The following USP47 variants were observed in gnomAD, a reference collection of about 807,000 sequenced individuals.
USP47 encodes the protein ubiquitin carboxyl-terminal hydrolase 47.
USP47 carries 35 observed loss-of-function variants against 165.1 expected under a neutral mutation model. That is an observed-to-expected ratio of 0.21 (90% CI 0.16 to 0.28). The LOEUF (loss-of-function observed/expected upper bound fraction) is 0.28. Among genes scored for constraint, USP47 ranks in the 10% least tolerant of loss-of-function variants. USP47 has a pLI of 1.00. For synonymous variants in USP47, 531 were observed against 544.5 expected, an observed-to-expected ratio of 0.98 and a Z score of 0.35; for missense variants, 1,277 against 1,607.4, an observed-to-expected ratio of 0.79 and a Z score of 3.52.
chr11:11,884,484 C>G lies in USP47; in HGVS notation c.261C>G (p.Thr87=). 6.2e-7 allele frequency: 1 copy of G among 1,606,722 alleles called. No individual in the cohort carries two copies. The highest frequency in any genetic ancestry group is 2.2e-5 in the East Asian group (1 of 44,672). ...GTCCATAGGCACCACTGGATCATAC[C>G]AGTGACAAGTCACTTCTCGACGCTA... The part of the protein sequence containing the change: ...NTADMAPLDH[T]SDKSLLDANF... The change falls in exon 3 of 28, where the codon ACC becomes ACG. Residue 87 remains threonine, a synonymous_variant. Coordinates refer to ENST00000527733, the MANE Select transcript of USP47 (RefSeq NM_001282659.2).
At chr11:11,946,880 C>G (rs956235264) in intron 20 of USP47, among the ~76,000 whole-genome samples, 8 of 152,120 alleles carry the variant, frequency 5.3e-5, no homozygotes, top group Non-Finnish European at 1.2e-4. Context: ...ATTTTATAGC[C>G]AGGAAAACAA....
At chr11:11,954,134 T>A (rs1856405695) in intron 25 of USP47, among the ~76,000 whole-genome samples, 1 of 152,044 alleles carries the variant, frequency 6.6e-6, no homozygotes, top group Non-Finnish European at 1.5e-5. Context: ...CCTGTAATTT[T>A]AGCTACTCAG....
chr11:11,923,521 A>G (rs1195404741), intron 11 of USP47, among the ~76,000 whole-genome samples: 1 of 152,108 alleles, frequency 6.6e-6, no homozygotes, highest in East Asian at 1.9e-4. Flanking sequence ...CCCTGTGTCA[A>G]TAACTTTAAG....
chr11:11,903,152 G>T (rs1430480533), intron 6 of USP47, 111 bp from the exon 7 acceptor site: 57 of 1,011,928 alleles, frequency 5.6e-5, no homozygotes, highest in Non-Finnish European at 7.7e-5. Context: ...TTTTAAATTT[G>T]GCATTATTTA....
chr11:11,909,156 T>A (rs1852784667), intron 8 of USP47, among the ~76,000 whole-genome samples: 1 of 152,150 alleles, frequency 6.6e-6, no homozygotes, highest in South Asian at 2.1e-4. Flanking sequence ...TATATTTGTG[T>A]CCTTGGGATG....
intron 3 of USP47, 105 bp downstream of exon 3, chr11:11,884,685 T>A: frequency 1.4e-6 from 1 of 724,466 alleles, no homozygotes; most frequent in Non-Finnish European, 2.3e-6. Context: ...GTAATTTGTG[T>A]AATAAATTAA....
intron 3 of USP47, among the ~76,000 whole-genome samples, chr11:11,885,589 T>A (rs1383686440): frequency 6.6e-6 from 1 of 152,110 alleles, no homozygotes; most frequent in Non-Finnish European, 1.5e-5. Flanking sequence ...CACAGAGCTA[T>A]GTGGAATCTT....
intron 2 of USP47, among the ~76,000 whole-genome samples, chr11:11,881,672 ATCT>A (rs1850841420): frequency 6.6e-6 from 1 of 152,084 alleles, no homozygotes; most frequent in African/African-American, 2.4e-5. Context: ...ATTGGTAGAC[ATCT>A]TCTTAGGTCA....
chr11:11,880,164 C>T lies in USP47; in HGVS notation c.40-13C>T. The T allele has an allele frequency of 6.9e-7, 1 of 1,453,226 alleles. No individual in the cohort carries two copies. The highest frequency in any genetic ancestry group is 1.4e-5 in the South Asian group (1 of 72,918). 90.0% of individuals were successfully genotyped at this position (1,453,226 alleles called of 1,614,324 possible). A position where few individuals can be genotyped will look rare whatever the true frequency, so the allele number is the denominator to read the frequency against. ...AGATAATATATAAAGTCATATTTTT[C>T]TTAAAATTTCAGATAGAAAATGCTG... is the stretch of plus-strand genomic sequence containing the variant. On this transcript the variant is annotated splice_polypyrimidine_tract_variant and intron_variant, in intron 1 of 27. Transcript: ENST00000527733.
At chr11:11,922,996 C>T in intron 11 of USP47, 105 bp downstream of exon 11, 5 of 949,294 alleles carry the variant, frequency 5.3e-6, no homozygotes, top group African/African-American at 1.8e-5. Context: ...TTAAAAGAAA[C>T]TTAATTTTTG....
chr11:11,949,885 C>T lies in USP47; in HGVS notation c.3349-4C>T. On this transcript the variant is annotated splice_polypyrimidine_tract_variant and splice_region_variant and intron_variant, in intron 22 of 27. Coordinates refer to ENST00000527733, the MANE Select transcript of USP47 (RefSeq NM_001282659.2). The stretch of plus-strand genomic sequence containing the variant: ...GCTCTGATTGTTTATGTTTATATTT[C>T]TAGCCATGCAAGTTTCTGCTAGATG... 1 of 1,594,978 alleles carries T rather than the reference C, an allele frequency of 6.3e-7. No homozygotes were observed. Among genetic ancestry groups the T allele is most frequent in the Non-Finnish European group, 8.6e-7 (1 of 1,164,572 alleles).
intron 1 of USP47, among the ~76,000 whole-genome samples, chr11:11,848,481 T>C (rs979677438): frequency 2.0e-4 from 31 of 152,346 alleles, no homozygotes; most frequent in Middle Eastern, 3.4e-3. Context: ...AAAATGTCTT[T>C]ATATGGCACA....
intron 19 of USP47, among the ~76,000 whole-genome samples, chr11:11,941,556 C>T (rs1050034509): frequency 1.1e-4 from 17 of 151,766 alleles, no homozygotes; most frequent in African/African-American, 3.9e-4. Flanking sequence ...TAGAGTGAAC[C>T]CCCACACATC....
chr11:11,935,136 T>C (rs1854960910), intron 16 of USP47, among the ~76,000 whole-genome samples: 1 of 152,140 alleles, frequency 6.6e-6, no homozygotes. Flanking sequence ...GAATCACTTA[T>C]ATTATACATC....
At chr11:11,943,672 TGA>T (rs1221090939) in intron 20 of USP47, 2 of 152,172 alleles carry the variant, frequency 1.3e-5, no homozygotes, top group Non-Finnish European at 2.9e-5. Flanking sequence ...GGAAAAGATC[TGA>T]GAGTTTGGGC....
At chr11:11,853,109 C>T (rs1404615897) in intron 1 of USP47, among the ~76,000 whole-genome samples, 3 of 149,562 alleles carry the variant, frequency 2.0e-5, no homozygotes, top group Non-Finnish European at 4.4e-5. Flanking sequence ...TTTTTTTTTG[C>T]CAAATGGAAA....
chr11:11,863,908 C>G (rs1849519543), intron 1 of USP47, among the ~76,000 whole-genome samples: 1 of 152,088 alleles, frequency 6.6e-6, no homozygotes, highest in Admixed American at 6.5e-5. Flanking sequence ...ATTTCTCAGC[C>G]CTAATTCTAA....
intron 3 of USP47, 72 bp from the exon 4 acceptor site, chr11:11,891,896 C>CAGG: frequency 6.5e-7 from 1 of 1,536,818 alleles, no homozygotes; most frequent in Non-Finnish European, 8.8e-7. Context: ...AACCTTCCTA[C>CAGG]AGGAAATGGT....
chr11:11,913,327 A>G (rs1294701259), intron 8 of USP47, among the ~76,000 whole-genome samples: 3 of 151,782 alleles, frequency 2.0e-5, no homozygotes, highest in Admixed American at 1.3e-4. Flanking sequence ...GATAAAAATA[A>G]CATAAAAAAT....
Sources: allele counts gnomAD v4.1 joint callset (sites outside exome capture counted in the v4.1 genomes callset), GRCh38; gene constraint gnomAD v4.1.1; transcripts MANE v1.5; gene names NCBI Gene and HGNC (gene_info 2026-07-23, HGNC 2026-07-21).